Variants in HERC1 observed in about 807,000 individuals in gnomAD.
HERC1 encodes HECT and RLD domain containing E3 ubiquitin protein ligase family member 1, also known as probable E3 ubiquitin-protein ligase HERC1.
Under a neutral mutation model 554.3 loss-of-function variants are expected in HERC1, and 160 were observed. The ratio of observed to expected loss-of-function variants is 0.29; its 90% CI spans 0.25 to 0.33. The LOEUF (loss-of-function observed/expected upper bound fraction) is 0.33, where lower values mean the gene tolerates loss of function less well. Ranked by LOEUF, HERC1 falls within the 10% of genes least tolerant of loss-of-function variation. The pLI, the probability that HERC1 is intolerant of heterozygous loss-of-function variation, is 1.00. For missense variants in HERC1, 4,919 were observed against 5,918.5 expected (o/e 0.83, Z 5.54); for synonymous variants, 2,175 against 2,131.7 (o/e 1.02, Z -0.56).
chr15:63,767,283 G>A (rs915090347), intron 2 of HERC1, among the ~76,000 whole-genome samples: 6 of 151,970 alleles, frequency 3.9e-5, no homozygotes, highest in Non-Finnish European at 7.4e-5. Flanking sequence ...GATTACAGGC[G>A]TGAGCCACCG....
Position 63,747,083 on chromosome 15 carries a change from T to C in HERC1, c.2355A>G (p.Arg785=), listed in dbSNP as rs748015990. Reference sequence around the variant, plus strand: ...ACAGCTTGAGAAAACTGTGGTGTTCTCTGAAACCAAATAAACGTCTATGAA... The same window carrying C: ...ACAGCTTGAGAAAACTGTGGTGTTCCCTGAAACCAAATAAACGTCTATGAA... ...EIPPLPFPSS[R]EHHSFLKLCL... is the part of the protein sequence containing the mutation. The change falls in exon 12 of 78, where the codon AGA becomes AGG. Residue 785 remains arginine (R), a splice_region_variant and synonymous_variant. Transcript: ENST00000443617. 1.9e-6 allele frequency: 3 copies of C among 1,593,432 alleles called. No homozygotes were observed. The South Asian group carries it at 3.4e-5, about 18-fold the overall frequency.
At chr15:63,807,709 C>T (rs2077176908) in intron 1 of HERC1, among the ~76,000 whole-genome samples, 1 of 152,178 alleles carries the variant, frequency 6.6e-6, no homozygotes, top group South Asian at 2.1e-4. Context: ...ACACCACACT[C>T]CCCAACTGTC....
Position 63,663,041 on chromosome 15 carries a change from G to A in HERC1, c.8844C>T (p.Thr2948=), listed in dbSNP as rs764770208. ...ACATTCCCAGAATATCATTGTCACT[G>A]GTCAGGTCTTGTCCAAACATAGCTT... is the stretch of plus-strand genomic sequence containing the variant. ...AMEAMFGQDL[T]SDNDILGMWI... is the part of the protein sequence containing the mutation. Residue 2948 remains threonine (T), a synonymous_variant, in exon 44 of 78, where the codon ACC becomes ACT. Coordinates refer to ENST00000443617, the MANE Select transcript of HERC1 (RefSeq NM_003922.4). 1 of 1,613,912 alleles carries A rather than the reference G, an allele frequency of 6.2e-7. No individual in the cohort carries two copies. The highest frequency in any genetic ancestry group is 8.5e-7 in the Non-Finnish European group (1 of 1,179,848).
rs777715462 is a variant in HERC1, at chr15:63,632,803, G to A, written c.12702C>T (p.Asp4234=). The A allele has an allele frequency of 5.8e-6, 9 of 1,557,660 alleles. No homozygotes were observed. Among genetic ancestry groups the A allele is most frequent in the African/African-American group, 1.4e-5 (1 of 73,732 alleles). The stretch of plus-strand genomic sequence containing the variant: ...TTTTTATTCCAATTCCACAAAGGAC[G>A]TCAATTTTCTACAAAATAAAAGTGT... The part of the protein sequence containing the change: ...STAKSSPQKI[D]VLCGIGIKKV... The change falls in exon 68 of 78, where the codon GAC becomes GAT. Residue 4234 remains aspartate, a synonymous_variant. Transcript: ENST00000443617.
At chr15:63,641,367 T>C (rs2069052533) in intron 60 of HERC1, 103 bp downstream of exon 60, 1 of 963,252 alleles carries the variant, frequency 1.0e-6, no homozygotes, top group Middle Eastern at 3.6e-4. Context: ...GCCCCACTTA[T>C]TATCCTCAGA....
intron 1 of HERC1, among the ~76,000 whole-genome samples, chr15:63,800,142 AAAG>A (rs774836803): frequency 1.3e-4 from 20 of 152,130 alleles, no homozygotes; most frequent in East Asian, 7.7e-4. Flanking sequence ...CTTAAGAAAA[AAAG>A]AAGAAGAAAG....
chr15:63,701,863 A>G (rs1407981012), intron 25 of HERC1, among the ~76,000 whole-genome samples: 1 of 152,134 alleles, frequency 6.6e-6, no homozygotes, highest in Non-Finnish European at 1.5e-5. Flanking sequence ...TTTGCTCTGT[A>G]CTATCTGAAT....
intron 1 of HERC1, among the ~76,000 whole-genome samples, chr15:63,829,525 A>ACG (rs2078068236): frequency 2.5e-5 from 3 of 122,400 alleles, no homozygotes; most frequent in South Asian, 5.3e-4. Flanking sequence ...TATAAATAAT[A>ACG]TGTGTGCACA....
In HERC1 at chr15:63,747,680, G is replaced by A. The variant is rs11631436; in HGVS notation, c.2354+44C>T. ...AATTTATACACATGCACACACGCGCGCGCACACACACACACAAAGATACAA... is the reference window on the plus strand; with the variant it reads ...AATTTATACACATGCACACACGCGCACGCACACACACACACAAAGATACAA... On this transcript the variant is annotated intron_variant, in intron 11 of 77. Coordinates refer to ENST00000443617, the MANE Select transcript of HERC1 (RefSeq NM_003922.4). 0.5 allele frequency: 578,017 copies of A among 1,160,128 alleles called. 151,661 individuals are homozygous for A. Among genetic ancestry groups the A allele is most frequent in the Non-Finnish European group, 0.55 (444,546 of 801,942 alleles). 71.9% of individuals were successfully genotyped at this position (1,160,128 alleles called of 1,614,324 possible).
chr15:63,749,352 C>G lies in HERC1; in HGVS notation c.2219+15G>C. The G allele has an allele frequency of 1.3e-6, 2 of 1,564,672 alleles. No individual in the cohort carries two copies. The highest frequency in any genetic ancestry group is 2.4e-5 in the South Asian group (2 of 83,442). On this transcript the variant is annotated intron_variant, in intron 10 of 77. Transcript: ENST00000443617. The surrounding 1 kb of genome is among the most constrained non-coding windows in gnomAD (Gnocchi z 4.1). ...GTTAAAACACACAAGAATTTTTAAA[C>G]ATAGGCACTCTTACCTGTCCCTAGG...
At chr15:63,615,400 G>A (rs953777670) in intron 76 of HERC1, among the ~76,000 whole-genome samples, 1 of 152,190 alleles carries the variant, frequency 6.6e-6, no homozygotes, top group Non-Finnish European at 1.5e-5. Flanking sequence ...CTTGAGGCCA[G>A]GAGTTCAAGA....
intron 73 of HERC1, 114 bp from the exon 74 acceptor site, chr15:63,623,005 T>G (rs2068153539): frequency 4.8e-6 from 3 of 619,556 alleles, no homozygotes; most frequent in Non-Finnish European, 8.3e-6. Flanking sequence ...TATAATGCCA[T>G]GTGACAACCA....
rs2074168647 is a variant in HERC1, at chr15:63,729,139, C to T, written c.3154+97G>A. On this transcript the variant is annotated intron_variant, in intron 16 of 77. Transcript: ENST00000443617. ...AATAGAAGGAAATTCAAGACCATTC[C>T]TATTCCAGAGGCTTCTGGCTCTCTT... The T allele has an allele frequency of 3.6e-6, 4 of 1,111,508 alleles. No homozygotes were observed. The East Asian group carries it at 1.0e-4, about 28-fold the overall frequency. 68.9% of individuals were successfully genotyped at this position (1,111,508 alleles called of 1,614,324 possible).
At chr15:63,688,781 A>C (rs1426780891) in intron 33 of HERC1, among the ~76,000 whole-genome samples, 2 of 152,148 alleles carry the variant, frequency 1.3e-5, no homozygotes, top group East Asian at 3.9e-4. Flanking sequence ...GCTAGTGACT[A>C]TATGCATGGG....
At chr15:63,792,243 C>T (rs557579741) in intron 1 of HERC1, among the ~76,000 whole-genome samples, 85 of 152,298 alleles carry the variant, frequency 5.6e-4, no homozygotes, top group African/African-American at 2.0e-3. Flanking sequence ...CACATACCCT[C>T]TTCTCCAGGC....
intron 74 of HERC1, among the ~76,000 whole-genome samples, chr15:63,620,331 T>C (rs1386316209): frequency 6.6e-5 from 10 of 152,216 alleles, no homozygotes; most frequent in Admixed American, 2.6e-4. Flanking sequence ...TCCTGAGTTC[T>C]AGTTTGATTG....
intron 39 of HERC1, among the ~76,000 whole-genome samples, chr15:63,670,746 T>C (rs1566993434): frequency 6.6e-6 from 1 of 151,962 alleles, no homozygotes; most frequent in Non-Finnish European, 1.5e-5. Flanking sequence ...GCCAGAGGGA[T>C]TAAAAACCAT....
At chr15:63,687,754 C>A (rs769472157) in intron 33 of HERC1, among the ~76,000 whole-genome samples, 2 of 152,078 alleles carry the variant, frequency 1.3e-5, no homozygotes, top group Non-Finnish European at 2.9e-5. Flanking sequence ...GCAGGTGACA[C>A]GACAAAGAGT....
chr15:63,675,570 C>G (rs1230701502), intron 37 of HERC1, among the ~76,000 whole-genome samples: 1 of 152,162 alleles, frequency 6.6e-6, no homozygotes, highest in Non-Finnish European at 1.5e-5. Context: ...GTAAGCTATT[C>G]AGAAAATTTG....
Sources: allele counts gnomAD v4.1 joint callset (sites outside exome capture counted in the v4.1 genomes callset), GRCh38; gene constraint gnomAD v4.1.1; non-coding constraint Gnocchi (gnomAD v3.1); transcripts MANE v1.5; gene names NCBI Gene and HGNC (gene_info 2026-07-23, HGNC 2026-07-21).